MRTFB: variants seen among roughly 807,000 people sequenced by gnomAD.
MRTFB encodes myocardin related transcription factor B, also known as myocardin-related transcription factor B.
MRTFB carries 29 observed loss-of-function variants against 104.2 expected under a neutral mutation model. The observed-to-expected ratio is 0.28, with a 90% confidence interval of 0.21 to 0.38. The LOEUF (loss-of-function observed/expected upper bound fraction) is 0.38, where lower values mean the gene tolerates loss of function less well. MRTFB is among the 10% of genes least tolerant of loss of function. The pLI, the probability that MRTFB is intolerant of heterozygous loss-of-function variation, is 1.00. For missense variants in MRTFB, 1,270 were observed against 1,341.6 expected (o/e 0.95, Z 0.83); for synonymous variants, 535 against 519.5 (o/e 1.03, Z -0.41).
At chr16:14,193,471 A>T (rs2040286863) in intron 3 of MRTFB, among the ~76,000 whole-genome samples, 1 of 151,958 alleles carries the variant, frequency 6.6e-6, no homozygotes, top group South Asian at 2.1e-4. Flanking sequence ...TTCACTTCAG[A>T]TGTCGCCTTC....
intron 3 of MRTFB, among the ~76,000 whole-genome samples, chr16:14,176,261 A>G (rs1220421203): frequency 2.0e-5 from 3 of 152,262 alleles, no homozygotes; most frequent in South Asian, 2.1e-4. Flanking sequence ...CCATGTAAAA[A>G]TTGCTGAAAC....
intron 2 of MRTFB, among the ~76,000 whole-genome samples, chr16:14,127,915 ATATATATATATATATTTTTTTTTTTT>A (rs142828868): frequency 0.11 from 5,504 of 48,898 alleles, 228 homozygotes; most frequent in African/African-American, 0.23. Context: ...ATATATATAT[ATATATATATATATATTTTTTTTTTTT>A]TTTTTTTTTT....
chr16:14,034,400 G>A, the MRTFB span, among the ~76,000 whole-genome samples: 2 of 152,118 alleles, frequency 1.3e-5, no homozygotes, highest in East Asian at 3.9e-4. Flanking sequence ...GATCACTTGA[G>A]GCCAGGAGTT....
chr16:14,017,347 C>T, the MRTFB span, among the ~76,000 whole-genome samples: 6 of 151,282 alleles, frequency 4.0e-5, no homozygotes, highest in East Asian at 2.0e-4. Flanking sequence ...TGAGCCACCG[C>T]GCCCGGCCTG....
At position 14,219,012 on chromosome 16, in the gene MRTFB, G is replaced by A; in HGVS notation, c.693+14G>A. The A allele has an allele frequency of 1.3e-6, 2 of 1,574,630 alleles. No homozygotes were observed. The highest frequency in any genetic ancestry group is 1.2e-5 in the South Asian group (1 of 84,624). On this transcript the variant is annotated intron_variant, in intron 8 of 16. Coordinates refer to ENST00000571589, the MANE Select transcript of MRTFB (RefSeq NM_001308142.2). ...ACTCCAGCGCAGGTATTATCTTTCT[G>A]GTTTTGACCCCTAAAGAAAGAAAAT...
At chr16:14,127,937 T>A (rs1194650473) in intron 2 of MRTFB, among the ~76,000 whole-genome samples, 73 of 79,234 alleles carry the variant, frequency 9.2e-4, no homozygotes, top group South Asian at 5.4e-3. Flanking sequence ...ATATTTTTTT[T>A]TTTTTTTTTT....
At chr16:14,168,289 G>A (rs931535199) in intron 3 of MRTFB, among the ~76,000 whole-genome samples, 1 of 151,894 alleles carries the variant, frequency 6.6e-6, no homozygotes, top group Non-Finnish European at 1.5e-5. Context: ...AAGGCACACT[G>A]TTGGATGAGT....
Position 14,187,216 on chromosome 16 carries a change from C to T in MRTFB, c.155-23027C>T, listed in dbSNP as rs537562330. Among the ~76,000 whole-genome samples, 74 of 152,296 alleles carry T rather than the reference C, an allele frequency of 4.9e-4. No homozygotes were observed. In the South Asian group the frequency reaches 0.013, roughly 26 times the overall value. Reference sequence around the variant, plus strand: ...TTCTGGGTAGCTGTTACTAAAGATTCATTAGCTGATGGAACTGTAGGGCTT... The same window carrying T: ...TTCTGGGTAGCTGTTACTAAAGATTTATTAGCTGATGGAACTGTAGGGCTT... On this transcript the variant is annotated intron_variant, in intron 3 of 16. Transcript: ENST00000571589.
At chr16:14,050,149 A>G in the MRTFB span, among the ~76,000 whole-genome samples, 1 of 150,728 alleles carries the variant, frequency 6.6e-6, no homozygotes, top group Non-Finnish European at 1.5e-5. Flanking sequence ...ATATACCCAG[A>G]AAGACAGACA....
chr16:14,135,429 G>A (rs534336904), intron 2 of MRTFB, among the ~76,000 whole-genome samples: 1 of 152,302 alleles, frequency 6.6e-6, no homozygotes, highest in East Asian at 1.9e-4. Context: ...AACAGATGCA[G>A]CATTCAGCAC....
intron 3 of MRTFB, among the ~76,000 whole-genome samples, chr16:14,197,039 G>A (rs566761019): frequency 1.8e-4 from 26 of 142,904 alleles, no homozygotes; most frequent in African/African-American, 6.2e-4. Flanking sequence ...TCGTGATTGC[G>A]GCTCACTACA....
the MRTFB span, among the ~76,000 whole-genome samples, chr16:13,999,732 C>T: frequency 6.6e-6 from 1 of 152,198 alleles, no homozygotes; most frequent in South Asian, 2.1e-4. Context: ...AGCCATTGAG[C>T]CCCAGGATCG....
chr16:13,999,508 A>G, the MRTFB span, among the ~76,000 whole-genome samples: 1 of 151,940 alleles, frequency 6.6e-6, no homozygotes, highest in Non-Finnish European at 1.5e-5. Context: ...GGCAAAAAAA[A>G]AAAAAAGAAA....
At chr16:14,147,078 A>G (rs2038356034) in intron 3 of MRTFB, among the ~76,000 whole-genome samples, 1 of 152,152 alleles carries the variant, frequency 6.6e-6, no homozygotes. Flanking sequence ...CATATTTAGG[A>G]TCTGGAGTGT....
chr16:14,065,054 G>C, the MRTFB span, among the ~76,000 whole-genome samples: 3 of 152,156 alleles, frequency 2.0e-5, no homozygotes, highest in Non-Finnish European at 4.4e-5. Context: ...TGGGTAGTAT[G>C]GCCATTTTAA....
chr16:14,258,186 C>T (rs369768653), intron 16 of MRTFB, 25 bp downstream of exon 16: 178 of 1,604,898 alleles, frequency 1.1e-4, no homozygotes, highest in Non-Finnish European at 1.3e-4. Context: ...ACATCAGATC[C>T]TCCCAGGAAG....
At chr16:14,066,250 T>G in the MRTFB span, among the ~76,000 whole-genome samples, 1 of 151,018 alleles carries the variant, frequency 6.6e-6, no homozygotes, top group Non-Finnish European at 1.5e-5. Context: ...TAATTTATTT[T>G]TATTGATTTT....
intron 2 of MRTFB, among the ~76,000 whole-genome samples, chr16:14,127,573 G>A (rs1439441474): frequency 1.3e-5 from 2 of 150,758 alleles, no homozygotes; most frequent in East Asian, 3.9e-4. Context: ...GAACCCGGGA[G>A]CAGAGGTTGC....
chr16:14,101,987 A>G (rs780921910), intron 2 of MRTFB, among the ~76,000 whole-genome samples: 20 of 152,202 alleles, frequency 1.3e-4, no homozygotes, highest in Non-Finnish European at 7.3e-5. Flanking sequence ...TGAAAAATAC[A>G]TAACAGCTGT....
Sources: allele counts gnomAD v4.1 joint callset (sites outside exome capture counted in the v4.1 genomes callset), GRCh38; gene constraint gnomAD v4.1.1; transcripts MANE v1.5; gene names NCBI Gene and HGNC (gene_info 2026-07-23, HGNC 2026-07-21).